The following ELAC1 variants were observed in gnomAD, a reference collection of about 807,000 sequenced individuals.
ELAC1 encodes the protein elaC ribonuclease Z 1, also known as zinc phosphodiesterase ELAC protein 1.
Under a neutral mutation model 25.8 loss-of-function variants are expected in ELAC1, and 19 were observed. The observed-to-expected ratio is 0.74, with a 90% CI of 0.51 to 1.08. The LOEUF (loss-of-function observed/expected upper bound fraction) is 1.08, where lower values mean the gene tolerates loss of function less well. ELAC1 is among the 50% of genes least tolerant of loss of function. ELAC1 has a pLI of 0.00. For synonymous variants in ELAC1, 148 were observed against 160.9 expected, an observed-to-expected ratio of 0.92 and a Z score of 0.61; for missense variants, 403 against 434.6, an observed-to-expected ratio of 0.93 and a Z score of 0.65.
At chr18:50,972,773 G>A (rs1907700705) in intron 1 of ELAC1, among the ~76,000 whole-genome samples, 1 of 152,156 alleles carries the variant, frequency 6.6e-6, no homozygotes, top group South Asian at 2.1e-4. Context: ...ATGAGCCACC[G>A]TGCCCGGCCT....
In ELAC1 at chr18:50,987,127, G is replaced by T; in HGVS notation, c.*42G>T. ...TGCACACTGACATGTCTGTGAATAT[G>T]TTACTGAACCTATAGTCCAGTTTTT... is the stretch of plus-strand genomic sequence containing the variant. On this transcript the variant is annotated 3_prime_UTR_variant, in exon 4 of 4. Coordinates refer to ENST00000269466, the MANE Select transcript of ELAC1 (RefSeq NM_018696.3). 1 of 1,373,590 alleles carries T rather than the reference G, an allele frequency of 7.3e-7. No individual in the cohort carries two copies. The allele number at this position is 1,373,590 out of a possible 1,614,324, so 85.1% of individuals were successfully genotyped here. A position where few individuals can be genotyped will look rare whatever the true frequency, so the allele number is the denominator to read the frequency against.
chr18:50,987,218 G>A lies in ELAC1; in HGVS notation c.*133G>A. 1 of 602,698 alleles carries A rather than the reference G, an allele frequency of 1.7e-6. No homozygotes were observed. Among genetic ancestry groups the A allele is most frequent in the Non-Finnish European group, 2.6e-6 (1 of 389,880 alleles). 37.3% of individuals were successfully genotyped at this position (602,698 alleles called of 1,614,324 possible). Reference sequence around the variant, plus strand: ...ATCCTAAAAAGAATGGAGCTGCATTGATGAATTGGCTCAGTATTTAAAGGG... The same window carrying A: ...ATCCTAAAAAGAATGGAGCTGCATTAATGAATTGGCTCAGTATTTAAAGGG... On this transcript the variant is annotated 3_prime_UTR_variant, in exon 4 of 4. Coordinates refer to ENST00000269466, the MANE Select transcript of ELAC1 (RefSeq NM_018696.3).
Position 50,984,446 on chromosome 18 carries a change from G to A in ELAC1, c.508G>A (p.Asp170Asn). ...AGAAAACTCATACCTTCTGTTTGAT[G>A]ATGAACAATTTGTTGTAAAAGCATT... Reference protein sequence around the residue: ...SEENSYLLFDDEQFVVKAFRL... With the variant: ...SEENSYLLFDNEQFVVKAFRL... Residue 170 changes from aspartate to asparagine, a missense_variant, in exon 3 of 4, where the codon GAT (aspartate) becomes AAT (asparagine). Transcript: ENST00000269466. 6 of 1,613,980 alleles carry A rather than the reference G, an allele frequency of 3.7e-6. No individual in the cohort carries two copies. Among genetic ancestry groups the A allele is most frequent in the Non-Finnish European group, 5.1e-6 (6 of 1,179,926 alleles).
At chr18:50,984,936 A>C (rs1908059865) in intron 3 of ELAC1, 1 of 272,724 alleles carries the variant, frequency 3.7e-6, no homozygotes, top group African/African-American at 2.2e-5. Flanking sequence ...TGTCTCAAAA[A>C]AAAAAAAGTG....
intron 2 of ELAC1, 105 bp downstream of exon 2, chr18:50,974,666 C>A: frequency 9.2e-7 from 1 of 1,085,684 alleles, no homozygotes; most frequent in South Asian, 1.4e-5. Context: ...ATGGTTGCAT[C>A]CCACTTCAGT....
At chr18:50,974,740 A>G (rs1379281684) in intron 2 of ELAC1, among the ~76,000 whole-genome samples, 179 bp downstream of exon 2, 1 of 152,154 alleles carries the variant, frequency 6.6e-6, no homozygotes, top group South Asian at 2.1e-4. Flanking sequence ...AACTTCATTT[A>G]CTTATTTACT....
At chr18:50,974,673 C>A in intron 2 of ELAC1, 112 bp downstream of exon 2, 2 of 979,264 alleles carry the variant, frequency 2.0e-6, no homozygotes, top group Non-Finnish European at 3.1e-6. Flanking sequence ...CATCCCACTT[C>A]AGTGCTACAC....
intron 1 of ELAC1, among the ~76,000 whole-genome samples, chr18:50,970,694 CAA>C (rs10643378): frequency 1.2e-4 from 11 of 88,162 alleles, no homozygotes; most frequent in Admixed American, 2.5e-4. Flanking sequence ...GACACATTTC[CAA>C]AAAAAAAAAA....
At chr18:50,974,684 C>G (rs973850820) in intron 2 of ELAC1, 123 bp downstream of exon 2, 6 of 877,938 alleles carry the variant, frequency 6.8e-6, no homozygotes, top group Non-Finnish European at 1.1e-5. Flanking sequence ...AGTGCTACAC[C>G]CTGGTGAGAC....
chr18:50,985,188 G>C (rs140577035), intron 3 of ELAC1, among the ~76,000 whole-genome samples: 35 of 152,238 alleles, frequency 2.3e-4, no homozygotes, highest in African/African-American at 7.9e-4. Context: ...GGTGGTTTTA[G>C]GTCCAGGCTT....
chr18:50,976,991 C>T (rs1907810136), intron 2 of ELAC1, among the ~76,000 whole-genome samples: 2 of 152,196 alleles, frequency 1.3e-5, no homozygotes, highest in South Asian at 4.1e-4. Context: ...TCCTTTGACT[C>T]CATGTCTCAC....
chr18:50,972,243 A>T (rs1282560704), intron 1 of ELAC1, among the ~76,000 whole-genome samples: 1 of 152,066 alleles, frequency 6.6e-6, no homozygotes, highest in East Asian at 1.9e-4. Flanking sequence ...GATTTTTTAC[A>T]TTTAAATTTC....
rs772778327 is a variant in ELAC1, at chr18:50,986,608, T to C, written c.626-11T>C. ...TTCCTATGATGTAATGTTATCTGCC[T>C]TCATCATTAGGTGTTCCACCAGGTC... On this transcript the variant is annotated splice_polypyrimidine_tract_variant and intron_variant, in intron 3 of 3. Coordinates refer to ENST00000269466, the MANE Select transcript of ELAC1 (RefSeq NM_018696.3). 4.4e-6 allele frequency: 7 copies of C among 1,584,656 alleles called. No homozygotes were observed. The highest frequency in any genetic ancestry group is 5.2e-6 in the Non-Finnish European group (6 of 1,160,988).
chr18:50,977,587 C>T (rs926843298), intron 2 of ELAC1, among the ~76,000 whole-genome samples: 7 of 152,170 alleles, frequency 4.6e-5, no homozygotes, highest in Admixed American at 6.5e-5. Flanking sequence ...CCTCTGGGCA[C>T]GTGATGGGAG....
At position 50,974,433 on chromosome 18, in the gene ELAC1, C is replaced by T. The variant is rs774952153; in HGVS notation, c.29C>T (p.Thr10Met). The change falls in exon 2 of 4, where the codon ACG becomes ATG. Residue 10 changes from threonine (T) to methionine (M), a missense_variant. Transcript: ENST00000269466. The part of the protein sequence containing the change: MSMDVTFLG[T>M]GAAYPSPTRG... ...TCTATGGATGTGACATTCCTGGGGA[C>T]GGGTGCAGCATACCCATCTCCAACC... is the stretch of plus-strand genomic sequence containing the variant. 18 of 1,559,936 alleles carry T rather than the reference C, an allele frequency of 1.2e-5. No individual in the cohort carries two copies. Among genetic ancestry groups the T allele is most frequent in the South Asian group, 2.4e-5 (2 of 82,330 alleles).
At chr18:50,974,352 G>T in intron 1 of ELAC1, 45 bp from the exon 2 acceptor site, 1 of 1,463,982 alleles carries the variant, frequency 6.8e-7, no homozygotes, top group South Asian at 1.4e-5. Context: ...ATATGTTTTT[G>T]GTACAGTGAT....
At chr18:50,972,083 A>G (rs1568184961) in intron 1 of ELAC1, among the ~76,000 whole-genome samples, 1 of 141,668 alleles carries the variant, frequency 7.1e-6, no homozygotes, top group Non-Finnish European at 1.5e-5. Context: ...TTGTCCTTTG[A>G]CTTTATGAGT....
chr18:50,970,761 G>T (rs1057121605), intron 1 of ELAC1, among the ~76,000 whole-genome samples: 17 of 150,792 alleles, frequency 1.1e-4, no homozygotes, highest in Non-Finnish European at 2.9e-5. Context: ...GCCACTCATT[G>T]AAACATAATG....
intron 2 of ELAC1, among the ~76,000 whole-genome samples, chr18:50,982,934 C>T (rs571252654): frequency 3.0e-4 from 45 of 152,146 alleles, no homozygotes; most frequent in East Asian, 2.3e-3. Context: ...ATTGGTTAAT[C>T]GCTGTCCAGT....
Sources: allele counts gnomAD v4.1 joint callset (sites outside exome capture counted in the v4.1 genomes callset), GRCh38; gene constraint gnomAD v4.1.1; transcripts MANE v1.5; gene names NCBI Gene and HGNC (gene_info 2026-07-23, HGNC 2026-07-21).